TERB1: variants seen among roughly 807,000 people sequenced by gnomAD.
TERB1 encodes telomere repeats-binding bouquet formation protein 1.
TERB1 carries 63 observed loss-of-function variants against 92.3 expected under a neutral mutation model. The observed-to-expected ratio is 0.68, with a 90% confidence interval of 0.56 to 0.84. The LOEUF (loss-of-function observed/expected upper bound fraction) is 0.84. Among genes scored for constraint, TERB1 ranks in the 40% least tolerant of loss-of-function variants. The probability of loss-of-function intolerance (pLI) is 0.00; values close to 1 mark genes in which losing one functional copy is unlikely to be tolerated. For missense variants in TERB1, 709 were observed against 843.7 expected (o/e 0.84, Z 1.98); for synonymous variants, 252 against 283.9 (o/e 0.89, Z 1.13).
At chr16:66,777,665 A>G (rs2018570589) in intron 10 of TERB1, among the ~76,000 whole-genome samples, 2 of 152,154 alleles carry the variant, frequency 1.3e-5, no homozygotes. Flanking sequence ...AACTTCCTAA[A>G]AGCTGAGTAT....
intron 5 of TERB1, 91 bp from the exon 6 acceptor site, chr16:66,788,388 G>A (rs1026008482): frequency 9.3e-6 from 10 of 1,074,378 alleles, no homozygotes; most frequent in African/African-American, 6.7e-5. Context: ...CCTAACTGGC[G>A]ATGGTTCTTA....
intron 16 of TERB1, among the ~76,000 whole-genome samples, chr16:66,762,980 C>T (rs2018277811): frequency 6.6e-6 from 1 of 151,998 alleles, no homozygotes; most frequent in South Asian, 2.1e-4. Context: ...CCACCACACC[C>T]GGCCAGGACT....
At chr16:66,770,919 C>T (rs2018437315) in intron 13 of TERB1, among the ~76,000 whole-genome samples, 1 of 152,060 alleles carries the variant, frequency 6.6e-6, no homozygotes, top group African/African-American at 2.4e-5. Flanking sequence ...GGCATGATCA[C>T]AGCTCACTGC....
intron 9 of TERB1, among the ~76,000 whole-genome samples, chr16:66,783,470 T>C (rs1744912367): frequency 6.6e-6 from 1 of 152,192 alleles, no homozygotes; most frequent in African/African-American, 2.4e-5. Flanking sequence ...TTAGATTTGT[T>C]AATATTTTGT....
chr16:66,781,509 G>C (rs2018635508), intron 9 of TERB1, among the ~76,000 whole-genome samples: 1 of 147,458 alleles, frequency 6.8e-6, no homozygotes, highest in African/African-American at 2.5e-5. Context: ...CAAGTTTCTG[G>C]GTACAAATTC....
rs2018108046 is a variant in TERB1, at chr16:66,754,733, A to G, written c.*243T>C. ...TTTAAGCTTAAGGAAAAATAAAAGC[A>G]TATTCCTAAACAAATGTTTGATCTT... On this transcript the variant is annotated 3_prime_UTR_variant, in exon 19 of 19. Coordinates refer to ENST00000433154, the MANE Select transcript of TERB1 (RefSeq NM_001136505.2). 1 of 447,438 alleles carries G rather than the reference A, an allele frequency of 2.2e-6. No individual in the cohort carries two copies. Among genetic ancestry groups the G allele is most frequent in the African/African-American group, 2.0e-5 (1 of 49,134 alleles). The allele number at this position is 447,438 out of a possible 1,614,324, so 27.7% of individuals were successfully genotyped here.
chr16:66,765,124 G>A (rs2018316797), intron 16 of TERB1, among the ~76,000 whole-genome samples: 2 of 152,188 alleles, frequency 1.3e-5, no homozygotes, highest in Non-Finnish European at 2.9e-5. Context: ...CGATTCCAGT[G>A]CCAGCCAAGG....
intron 9 of TERB1, among the ~76,000 whole-genome samples, chr16:66,783,758 C>T (rs2018676346): frequency 1.3e-5 from 2 of 152,064 alleles, no homozygotes; most frequent in Admixed American, 6.6e-5. Flanking sequence ...TGGGTTCTTG[C>T]TATGTTGCCC....
intron 16 of TERB1, among the ~76,000 whole-genome samples, chr16:66,765,488 C>T (rs552472996): frequency 1.3e-5 from 2 of 150,132 alleles, no homozygotes; most frequent in South Asian, 4.2e-4. Context: ...GACAGAATCT[C>T]GCTCTGTCAC....
Position 66,790,594 on chromosome 16 carries a change from C to T in TERB1, c.271+1G>A. 1 of 1,535,164 alleles carries T rather than the reference C, an allele frequency of 6.5e-7. No homozygotes were observed. Among genetic ancestry groups the T allele is most frequent in the Non-Finnish European group, 8.8e-7 (1 of 1,136,324 alleles). ...TAATGAAATAAAGTTTTATATTTTA[C>T]CATTTTTCTCTGCAATAGCTCCTAA... On this transcript the variant is annotated splice_donor_variant, in intron 5 of 18. Transcript: ENST00000433154. LOFTEE classifies it high-confidence loss of function.
At chr16:66,759,504 A>G (rs575698034) in intron 16 of TERB1, among the ~76,000 whole-genome samples, 2 of 152,318 alleles carry the variant, frequency 1.3e-5, no homozygotes, top group African/African-American at 4.8e-5. Flanking sequence ...GGTGCTTTAG[A>G]AAAAGAGCAT....
chr16:66,779,746 C>T (rs1170514804), intron 9 of TERB1, among the ~76,000 whole-genome samples: 2 of 152,202 alleles, frequency 1.3e-5, no homozygotes, highest in African/African-American at 4.8e-5. Flanking sequence ...TGCAATCCAA[C>T]ATAACTAATT....
intron 9 of TERB1, among the ~76,000 whole-genome samples, chr16:66,779,584 T>G (rs1158821956): frequency 6.6e-6 from 1 of 151,572 alleles, no homozygotes; most frequent in Non-Finnish European, 1.5e-5. Context: ...GGTGACAGAG[T>G]AAGACTCTGT....
At chr16:66,759,797 CAAAA>C (rs762588462) in intron 16 of TERB1, among the ~76,000 whole-genome samples, 3 of 30,786 alleles carry the variant, frequency 9.7e-5, no homozygotes, top group Non-Finnish European at 2.1e-4. Context: ...GACTCTGTCT[CAAAA>C]AAAAAAAAAA....
rs71145942 is a variant in TERB1 at position 66,797,623 on chromosome 16, C to CCACACACACACA, written c.-32-805_-32-794dup. ...TACCTAAGAGAGGTTTAAAAACACA[C>CCACACACACACA]CACACACACACACACACACACACAC... is the stretch of plus-strand genomic sequence containing the variant. On this transcript the variant is annotated intron_variant, in intron 2 of 18. Coordinates refer to ENST00000433154, the MANE Select transcript of TERB1 (RefSeq NM_001136505.2). Among the ~76,000 whole-genome samples, 736 of 140,940 alleles carry CCACACACACACA rather than the reference C, an allele frequency of 5.2e-3. 5 individuals are homozygous for CCACACACACACA. The highest frequency in any genetic ancestry group is 9.2e-3 in the African/African-American group (346 of 37,768). 92.5% of individuals were successfully genotyped at this position (140,940 alleles called of 152,430 possible). A position where few individuals can be genotyped will look rare whatever the true frequency, so the allele number is the denominator to read the frequency against.
intron 16 of TERB1, among the ~76,000 whole-genome samples, chr16:66,763,319 CCT>C (rs2018284216): frequency 6.6e-6 from 1 of 152,066 alleles, no homozygotes; most frequent in Non-Finnish European, 1.5e-5. Context: ...TACCAGTTCC[CCT>C]CTCTTCCTTG....
chr16:66,771,930 A>G (rs1319565992), intron 13 of TERB1, among the ~76,000 whole-genome samples: 1 of 152,204 alleles, frequency 6.6e-6, no homozygotes, highest in Admixed American at 6.5e-5. Context: ...TTATATAAAG[A>G]GGAAAGAAGT....
chr16:66,759,750 A>G (rs2018198442), intron 16 of TERB1, among the ~76,000 whole-genome samples: 2 of 136,296 alleles, frequency 1.5e-5, no homozygotes, highest in South Asian at 5.3e-4. Context: ...GTGAGCTGAG[A>G]TTGTGCCACT....
In TERB1 at chr16:66,759,258, G is replaced by A. The variant is rs963945421; in HGVS notation, c.1813C>T (p.Arg605Ter). The change falls in exon 17 of 19, where the codon CGA becomes TGA. Residue 605 changes from arginine to a stop codon, truncating the protein, a stop_gained. Transcript: ENST00000433154. LOFTEE classifies it high-confidence loss of function. ...CIAVEKSLNS[R>*]NFSKLLHSCP... Reference sequence around the variant, plus strand: ...GAGTGCAAGAGCTTGCTAAAGTTTCGGCTATTCAGGGATTTTTCTACTGCT... The same window carrying A: ...GAGTGCAAGAGCTTGCTAAAGTTTCAGCTATTCAGGGATTTTTCTACTGCT... The A allele has an allele frequency of 1.5e-5, 23 of 1,543,826 alleles. No individual in the cohort carries two copies. Among genetic ancestry groups the A allele is most frequent in the African/African-American group, 4.1e-5 (3 of 72,582 alleles).
Sources: gnomAD v4.1 joint callset for allele counts (sites outside exome capture counted in the v4.1 genomes callset) on GRCh38, gnomAD v4.1.1 for gene constraint, MANE v1.5 for transcripts, NCBI Gene and HGNC (gene_info 2026-07-23, HGNC 2026-07-21) for gene names.